Variants in SLC19A3 observed in about 807,000 individuals in gnomAD.
The protein encoded by SLC19A3 is thiamine transporter 2.
A neutral mutation model predicts 40.2 loss-of-function variants in SLC19A3; 31 were observed. The ratio of observed to expected loss-of-function variants is 0.77; its 90% CI spans 0.58 to 1.04. SLC19A3 has a LOEUF of 1.04. Ranked by LOEUF, SLC19A3 falls within the 50% of genes least tolerant of loss-of-function variation. SLC19A3 has a pLI of 0.00. For missense variants in SLC19A3, 592 were observed against 596.7 expected, an observed-to-expected ratio of 0.99 and a Z score of 0.08; for synonymous variants, 212 against 227.5, an observed-to-expected ratio of 0.93 and a Z score of 0.61.
intron 1 of SLC19A3, among the ~76,000 whole-genome samples, chr2:227,712,144 C>T (rs910792341): frequency 6.7e-5 from 10 of 149,630 alleles, no homozygotes; most frequent in Admixed American, 3.3e-4. Context: ...TGGCTCACGA[C>T]TGTAATCCCA....
chr2:227,684,257 T>G lies in SLC19A3; in HGVS notation c.*3140A>C, dbSNP rs1694943165. ...TCTTAGAGTTCTGTGTCACTAAAGA[T>G]CTTCCTCATTTTTTAGCAGTTAATT... On this transcript the variant is annotated 3_prime_UTR_variant, in exon 6 of 6. Coordinates refer to ENST00000644224, the MANE Select transcript of SLC19A3 (RefSeq NM_025243.4). 1 of 152,198 alleles carries G rather than the reference T, an allele frequency of 6.6e-6. No homozygotes were observed. Among genetic ancestry groups the G allele is most frequent in the South Asian group, 2.1e-4 (1 of 4,830 alleles). The allele number at this position is 152,198 out of a possible 1,614,324, so 9.4% of individuals were successfully genotyped here. A position where few individuals can be genotyped will look rare whatever the true frequency, so the allele number is the denominator to read the frequency against.
intron 4 of SLC19A3, 74 bp from the exon 5 acceptor site, chr2:227,688,381 G>C: frequency 7.0e-7 from 1 of 1,419,488 alleles, no homozygotes; most frequent in Non-Finnish European, 9.9e-7. Flanking sequence ...AGAACATATT[G>C]GCCACAGGGG....
intron 4 of SLC19A3, chr2:227,695,610 A>G: frequency 2.5e-6 from 1 of 395,308 alleles, no homozygotes; most frequent in Admixed American, 3.8e-5. Flanking sequence ...CATCTCTCAA[A>G]CAAAATAAAA....
intron 1 of SLC19A3, among the ~76,000 whole-genome samples, chr2:227,714,868 A>T (rs1574584268): frequency 8.3e-6 from 1 of 120,140 alleles, no homozygotes; most frequent in African/African-American, 3.3e-5. Context: ...TGGAGTCTGG[A>T]GTGTAGTGGC....
Position 227,686,126 on chromosome 2 carries a change from G to A in SLC19A3, c.*1271C>T, listed in dbSNP as rs1405056039. The A allele has an allele frequency of 2.2e-6, 1 of 449,628 alleles. No individual in the cohort carries two copies. The highest frequency in any genetic ancestry group is 4.5e-6 in the Non-Finnish European group (1 of 223,574). 27.9% of individuals were successfully genotyped at this position (449,628 alleles called of 1,614,324 possible). A position where few individuals can be genotyped will look rare whatever the true frequency, so the allele number is the denominator to read the frequency against. On this transcript the variant is annotated 3_prime_UTR_variant, in exon 6 of 6. Coordinates refer to ENST00000644224, the MANE Select transcript of SLC19A3 (RefSeq NM_025243.4). ...GTAGGAGAATGGCTTGAACTCAGGA[G>A]GTGAAGTTTGCAGTGAGCCAAGATC... is the stretch of plus-strand genomic sequence containing the variant.
intron 5 of SLC19A3, 93 bp from the exon 6 acceptor site, chr2:227,687,666 G>C (rs1559241888): frequency 1.5e-6 from 2 of 1,361,038 alleles, no homozygotes; most frequent in Non-Finnish European, 1.0e-6. Flanking sequence ...TTGGATTATG[G>C]GGTAACTGAG....
chr2:227,716,410 T>C (rs1478574304), intron 1 of SLC19A3, among the ~76,000 whole-genome samples: 1 of 152,168 alleles, frequency 6.6e-6, no homozygotes, highest in Admixed American at 6.5e-5. Context: ...TATGGGGCTT[T>C]GACATGCTGG....
chr2:227,693,055 A>G (rs1695291207), intron 4 of SLC19A3, among the ~76,000 whole-genome samples: 1 of 152,326 alleles, frequency 6.6e-6, no homozygotes, highest in East Asian at 1.9e-4. Context: ...ACACACACAC[A>G]CAAAATGGAA....
In SLC19A3 at chr2:227,695,934, T is replaced by C. The variant is rs1200779229; in HGVS notation, c.1127A>G (p.Tyr376Cys). Residue 376 changes from tyrosine (Y) to cysteine (C), a missense_variant, in exon 4 of 6, where the codon TAT (tyrosine) becomes TGT (cysteine). Tyr to Cys is a radical substitution (Grantham distance 194). Transcript: ENST00000644224. ...CATATAGCTGGACTTGAATATCAAA[T>C]AGCCAGCATAGCACGCCCAGATATT... ...TANIWACYAG[Y>C]LIFKSSYMLL... 5 of 1,614,006 alleles carry C rather than the reference T, an allele frequency of 3.1e-6. No individual in the cohort carries two copies. Among genetic ancestry groups the C allele is most frequent in the Admixed American group, 1.7e-5 (1 of 60,006 alleles).
chr2:227,687,496 G>T lies in SLC19A3; in HGVS notation c.1392C>A (p.Thr464=). 9 of 1,614,044 alleles carry T rather than the reference G, an allele frequency of 5.6e-6. No homozygotes were observed. Among genetic ancestry groups the T allele is most frequent in the Non-Finnish European group, 7.6e-6 (9 of 1,179,950 alleles). The change falls in exon 6 of 6, where the codon ACC becomes ACA. Residue 464 remains threonine, a synonymous_variant. Coordinates refer to ENST00000644224, the MANE Select transcript of SLC19A3 (RefSeq NM_025243.4). ...LMRSMYITYS[T]KSQKDVQSPA... ...GGCTCTGTACATCCTTCTGGGATTT[G>T]GTTGAGTAGGTAATATACATGCTTC...
rs140166702 is a variant in SLC19A3 at position 227,691,664 on chromosome 2, G to A, written c.1173-3357C>T. ...TCTGAAATAAATAACTTAATGATGC[G>A]TCATAAAGAACTAGAAAAGTAAGAG... On this transcript the variant is annotated intron_variant, in intron 4 of 5. Coordinates refer to ENST00000644224, the MANE Select transcript of SLC19A3 (RefSeq NM_025243.4). Among the ~76,000 whole-genome samples, 33 of 152,106 alleles carry A rather than the reference G, an allele frequency of 2.2e-4. No individual in the cohort carries two copies. The East Asian group carries it at 3.9e-3, about 18-fold the overall frequency.
At chr2:227,688,649 C>A (rs1301429407) in intron 4 of SLC19A3, among the ~76,000 whole-genome samples, 3 of 152,030 alleles carry the variant, frequency 2.0e-5, no homozygotes, top group Non-Finnish European at 2.9e-5. Context: ...AAAGCCTTCC[C>A]ACGGAGGACA....
At position 227,695,921 on chromosome 2, in the gene SLC19A3, C is replaced by T. The variant is rs769558150; in HGVS notation, c.1140G>A (p.Lys380=). The change falls in exon 4 of 6, where the codon AAG becomes AAA. Residue 380 remains lysine (K), a synonymous_variant. Coordinates refer to ENST00000644224, the MANE Select transcript of SLC19A3 (RefSeq NM_025243.4). ...WACYAGYLIF[K]SSYMLLITIA... is the part of the protein sequence containing the mutation. ...TGGTTATAAGAAGCATATAGCTGGA[C>T]TTGAATATCAAATAGCCAGCATAGC... The T allele has an allele frequency of 1.5e-5, 25 of 1,614,042 alleles. No homozygotes were observed. The highest frequency in any genetic ancestry group is 3.3e-4 in the Middle Eastern group (2 of 6,074).
intron 4 of SLC19A3, among the ~76,000 whole-genome samples, chr2:227,694,812 T>C (rs111510401): frequency 0.042 from 6,390 of 152,270 alleles, 337 homozygotes; most frequent in African/African-American, 0.12. Context: ...CCTACCACTT[T>C]GGGAAGCTGA....
rs560368547 is a variant in SLC19A3 at position 227,710,717 on chromosome 2, A to G, written c.-3+7226T>C. On this transcript the variant is annotated intron_variant, in intron 1 of 5. Transcript: ENST00000644224. ...CTTATTAGCATAAACACGTTATCAA[A>G]GAGGGTCATTATGAATAAAAAGACA... Among the ~76,000 whole-genome samples, 3 of 152,286 alleles carry G rather than the reference A, an allele frequency of 2.0e-5. No individual in the cohort carries two copies. The South Asian group carries it at 6.2e-4, about 32-fold the overall frequency.
rs1258737485 is a variant in SLC19A3 at position 227,717,923 on chromosome 2, G to GC, written c.-3+19dup. 1 of 985,290 alleles carries GC rather than the reference G, an allele frequency of 1.0e-6. No homozygotes were observed. Among genetic ancestry groups the GC allele is most frequent in the Non-Finnish European group, 1.2e-6 (1 of 829,890 alleles). The allele number at this position is 985,290 out of a possible 1,614,324, so 61.0% of individuals were successfully genotyped here. A position where few individuals can be genotyped will look rare whatever the true frequency, so the allele number is the denominator to read the frequency against. On this transcript the variant is annotated intron_variant, in intron 1 of 5. Coordinates refer to ENST00000644224, the MANE Select transcript of SLC19A3 (RefSeq NM_025243.4). ...ATGACGGTGCTTCTTCAATTAATTCGCCCCCCGAGATATTCTTACCTACAG... is the reference window on the plus strand; with the variant it reads ...ATGACGGTGCTTCTTCAATTAATTCGCCCCCCCGAGATATTCTTACCTACAG...
At chr2:227,715,694 G>A (rs1317354650) in intron 1 of SLC19A3, among the ~76,000 whole-genome samples, 3 of 152,100 alleles carry the variant, frequency 2.0e-5, no homozygotes, top group Non-Finnish European at 4.4e-5. Context: ...GGAGGAATAT[G>A]CCTAAGAAAA....
intron 1 of SLC19A3, among the ~76,000 whole-genome samples, chr2:227,713,215 A>G (rs1696198898): frequency 6.8e-6 from 1 of 146,586 alleles, no homozygotes; most frequent in Non-Finnish European, 1.5e-5. Context: ...CAGACTGGTC[A>G]AGATAGCAAG....
intron 4 of SLC19A3, among the ~76,000 whole-genome samples, chr2:227,691,310 A>G (rs1188672661): frequency 6.6e-6 from 1 of 152,042 alleles, no homozygotes; most frequent in Non-Finnish European, 1.5e-5. Flanking sequence ...GTGCCTACAT[A>G]AAAAAAAGAA....
Sources: allele counts gnomAD v4.1 joint callset (sites outside exome capture counted in the v4.1 genomes callset), GRCh38; gene constraint gnomAD v4.1.1; transcripts MANE v1.5; gene names NCBI Gene and HGNC (gene_info 2026-07-23, HGNC 2026-07-21).